SSBP2: variants seen among roughly 807,000 people sequenced by gnomAD.
SSBP2 encodes the protein single-stranded DNA-binding protein 2.
SSBP2 carries 17 observed loss-of-function variants against 61.8 expected under a neutral mutation model. That is an observed-to-expected ratio of 0.28 (90% confidence interval 0.19 to 0.41). The LOEUF is 0.41. Ranked by LOEUF, SSBP2 falls within the 10% of genes least tolerant of loss-of-function variation. The pLI is 1.00. For missense variants in SSBP2, 310 were observed against 458.7 expected, an observed-to-expected ratio of 0.68 and a Z score of 2.96; for synonymous variants, 139 against 141.3, an observed-to-expected ratio of 0.98 and a Z score of 0.12.
intron 4 of SSBP2, among the ~76,000 whole-genome samples, chr5:81,544,387 T>C (rs1430698007): frequency 6.6e-6 from 1 of 152,186 alleles, no homozygotes; most frequent in Non-Finnish European, 1.5e-5. Context: ...TCTTTGACTC[T>C]GGAAGGCAAT....
At chr5:81,429,441 G>A (rs1215401661) in intron 15 of SSBP2, among the ~76,000 whole-genome samples, 6 of 152,042 alleles carry the variant, frequency 3.9e-5, no homozygotes, top group African/African-American at 1.4e-4. Context: ...CATTATTACC[G>A]CACAATTTTA....
intron 4 of SSBP2, among the ~76,000 whole-genome samples, chr5:81,530,702 T>C (rs1000984706): frequency 6.6e-6 from 1 of 152,080 alleles, no homozygotes; most frequent in African/African-American, 2.4e-5. Flanking sequence ...TTTGAGTGTT[T>C]TTCTCTCCTT....
intron 4 of SSBP2, among the ~76,000 whole-genome samples, chr5:81,562,296 T>C (rs1773109067): frequency 6.6e-6 from 1 of 152,218 alleles, no homozygotes; most frequent in African/African-American, 2.4e-5. Flanking sequence ...TGTTACTACT[T>C]ATTTTCATTG....
At chr5:81,642,671 T>C (rs1022964302) in intron 2 of SSBP2, among the ~76,000 whole-genome samples, 2 of 152,194 alleles carry the variant, frequency 1.3e-5, no homozygotes, top group African/African-American at 4.8e-5. Context: ...TGAAAGAGAC[T>C]GGAAACACCT....
chr5:81,527,069 C>T (rs1769999772), intron 4 of SSBP2, among the ~76,000 whole-genome samples: 1 of 151,776 alleles, frequency 6.6e-6, no homozygotes, highest in Non-Finnish European at 1.5e-5. Context: ...AGGGGAGTGA[C>T]AGAATACAAG....
intron 15 of SSBP2, 100 bp from the exon 16 acceptor site, chr5:81,428,783 G>T: frequency 1.3e-6 from 1 of 750,904 alleles, no homozygotes; most frequent in Non-Finnish European, 2.2e-6. Flanking sequence ...TAAGGACAAA[G>T]CATACTTCTA....
At chr5:81,486,991 A>G (rs1766434764) in intron 6 of SSBP2, among the ~76,000 whole-genome samples, 1 of 152,224 alleles carries the variant, frequency 6.6e-6, no homozygotes, top group African/African-American at 2.4e-5. Flanking sequence ...GCATAATTTC[A>G]GTAAGAGTTA....
chr5:81,717,021 A>G (rs1755210753), intron 1 of SSBP2, among the ~76,000 whole-genome samples: 1 of 152,204 alleles, frequency 6.6e-6, no homozygotes, highest in African/African-American at 2.4e-5. Flanking sequence ...TACAATATTC[A>G]TCATTTTAAA....
intron 1 of SSBP2, among the ~76,000 whole-genome samples, chr5:81,685,641 T>G (rs1377120047): frequency 6.6e-6 from 1 of 152,202 alleles, no homozygotes; most frequent in African/African-American, 2.4e-5. Flanking sequence ...TTAACTTCTT[T>G]TGTTCTTGCG....
intron 4 of SSBP2, among the ~76,000 whole-genome samples, chr5:81,585,413 T>C (rs1486091629): frequency 2.0e-5 from 3 of 152,162 alleles, no homozygotes; most frequent in Non-Finnish European, 4.4e-5. Flanking sequence ...CTAGGTCTTA[T>C]TCTAAAATTT....
intron 12 of SSBP2, 67 bp downstream of exon 12, chr5:81,446,801 C>A: frequency 6.7e-7 from 1 of 1,489,400 alleles, no homozygotes; most frequent in Admixed American, 2.0e-5. Flanking sequence ...ATTTCATGAA[C>A]AATTTCTATA....
chr5:81,572,253 T>C (rs1055255528), intron 4 of SSBP2, among the ~76,000 whole-genome samples: 19 of 152,176 alleles, frequency 1.2e-4, no homozygotes, highest in African/African-American at 4.3e-4. Flanking sequence ...GAGTTTATAG[T>C]AAAATATTAG....
At chr5:81,590,019 T>C (rs1235753623) in intron 4 of SSBP2, among the ~76,000 whole-genome samples, 1 of 152,076 alleles carries the variant, frequency 6.6e-6, no homozygotes, top group Non-Finnish European at 1.5e-5. Flanking sequence ...AACACAAACT[T>C]TTTAGGGGAT....
intron 5 of SSBP2, among the ~76,000 whole-genome samples, 189 bp downstream of exon 5, chr5:81,513,439 T>C (rs1768771347): frequency 6.6e-6 from 1 of 152,118 alleles, no homozygotes; most frequent in African/African-American, 2.4e-5. Context: ...AATAAATACA[T>C]AATCTAATAA....
chr5:81,481,061 C>G (rs1219666118), intron 6 of SSBP2, among the ~76,000 whole-genome samples: 2 of 152,166 alleles, frequency 1.3e-5, no homozygotes, highest in East Asian at 3.9e-4. Flanking sequence ...ACTTCTAATT[C>G]TAGTTCTCCC....
At chr5:81,592,639 A>G (rs1775620792) in intron 4 of SSBP2, among the ~76,000 whole-genome samples, 1 of 152,208 alleles carries the variant, frequency 6.6e-6, no homozygotes, top group Non-Finnish European at 1.5e-5. Flanking sequence ...CCTCTGAGAC[A>G]AAACTTCCAG....
intron 1 of SSBP2, among the ~76,000 whole-genome samples, chr5:81,653,048 T>C (rs1224979743): frequency 1.3e-5 from 2 of 151,858 alleles, no homozygotes; most frequent in African/African-American, 4.8e-5. Context: ...GCTGCACTCA[T>C]CAACCCCTCA....
At chr5:81,614,401 C>T (rs574509030) in intron 4 of SSBP2, among the ~76,000 whole-genome samples, 1 of 151,230 alleles carries the variant, frequency 6.6e-6, no homozygotes, top group East Asian at 1.9e-4. Context: ...CAGTCCCTGC[C>T]AGGTAGCCAA....
chr5:81,501,268 TACACAC>T (rs34805388), intron 5 of SSBP2, among the ~76,000 whole-genome samples: 6 of 35,778 alleles, frequency 1.7e-4, no homozygotes, highest in Non-Finnish European at 2.1e-4. Context: ...TATATATATA[TACACAC>T]ACACACACAT....
Sources: allele counts gnomAD v4.1 joint callset (sites outside exome capture counted in the v4.1 genomes callset), GRCh38; gene constraint gnomAD v4.1.1; transcripts MANE v1.5; gene names NCBI Gene and HGNC (gene_info 2026-07-23, HGNC 2026-07-21).